The following WDR25 variants were observed in gnomAD, a reference collection of about 807,000 sequenced individuals.
WDR25 encodes the protein WD repeat domain 25.
WDR25 carries 35 observed loss-of-function variants against 47.7 expected under a neutral mutation model. The observed-to-expected ratio is 0.73, with a 90% confidence interval of 0.56 to 0.97. The LOEUF (loss-of-function observed/expected upper bound fraction) is 0.97. WDR25 is among the 50% of genes least tolerant of loss of function. The pLI is 0.00. For synonymous variants in WDR25, 248 were observed against 278.9 expected, an observed-to-expected ratio of 0.89 and a Z score of 1.10; for missense variants, 634 against 704.7, an observed-to-expected ratio of 0.90 and a Z score of 1.14.
At chr14:100,464,028 G>A (rs956843378) in intron 2 of WDR25, among the ~76,000 whole-genome samples, 2 of 152,084 alleles carry the variant, frequency 1.3e-5, no homozygotes, top group African/African-American at 4.8e-5. Context: ...TGGTCCTACT[G>A]CAGTGGAACC....
chr14:100,493,018 G>A (rs778208822), intron 4 of WDR25, among the ~76,000 whole-genome samples: 1 of 152,122 alleles, frequency 6.6e-6, no homozygotes, highest in Non-Finnish European at 1.5e-5. Flanking sequence ...ACTATGTTGC[G>A]CAGGCTGGTC....
intron 2 of WDR25, among the ~76,000 whole-genome samples, chr14:100,456,619 C>G (rs1473156529): frequency 6.6e-6 from 1 of 152,134 alleles, no homozygotes; most frequent in Non-Finnish European, 1.5e-5. Context: ...AAACACAGTA[C>G]ATGGAATTAA....
intron 2 of WDR25, among the ~76,000 whole-genome samples, chr14:100,417,578 T>A (rs541780129): frequency 6.6e-6 from 1 of 152,268 alleles, no homozygotes; most frequent in South Asian, 2.1e-4. Flanking sequence ...ACCTTCCTCC[T>A]CCAGGGAGGG....
intron 2 of WDR25, among the ~76,000 whole-genome samples, chr14:100,401,781 G>C (rs1472962076): frequency 6.6e-5 from 10 of 152,224 alleles, no homozygotes; most frequent in Admixed American, 5.9e-4. Context: ...CTTGCACCTG[G>C]CTTCTCTGCT....
rs1442159398 is a variant in WDR25 at position 100,500,939 on chromosome 14, CT to C, written c.1101+16816del. Among the ~76,000 whole-genome samples the C allele has an allele frequency of 6.6e-6, 1 of 152,138 alleles. No individual in the cohort carries two copies. Among genetic ancestry groups the C allele is most frequent in the Non-Finnish European group, 1.5e-5 (1 of 68,022 alleles). On this transcript the variant is annotated intron_variant, in intron 4 of 6. Coordinates refer to ENST00000402312, the MANE Select transcript of WDR25 (RefSeq NM_001161476.3). This position sits in a 1 kb window ranked among gnomAD's most constrained non-coding sequence, Gnocchi z 4.7. The stretch of plus-strand genomic sequence containing the variant: ...TCTTCCTTTCCCATGTGTTTTGTAT[CT>C]GTAATTTAAAATTTCACAGTCTTCA...
intron 2 of WDR25, among the ~76,000 whole-genome samples, chr14:100,456,390 T>A (rs1382043813): frequency 1.3e-5 from 2 of 151,994 alleles, no homozygotes; most frequent in African/African-American, 4.8e-5. Context: ...GTAAAAAAAA[T>A]ATGAACCATG....
chr14:100,419,620 G>A (rs1331012134), intron 2 of WDR25, among the ~76,000 whole-genome samples: 1 of 152,164 alleles, frequency 6.6e-6, no homozygotes, highest in Non-Finnish European at 1.5e-5. Flanking sequence ...GAAAGCCGAG[G>A]TATAGTTTTA....
rs993334163 is a variant in WDR25, at chr14:100,430,825, C to G, written c.823-37196C>G. ...TGGCAACGTGGACATTTCTGGCTGT[C>G]GAGAAGGGGCCTAAGAGGTGCCCAC... On this transcript the variant is annotated intron_variant, in intron 2 of 6. Transcript: ENST00000402312. This position sits in a 1 kb window ranked among gnomAD's most constrained non-coding sequence, Gnocchi z 4.7. 1.3e-5 allele frequency among the ~76,000 whole-genome samples: 2 copies of G among 152,178 alleles called. No homozygotes were observed. The highest frequency in any genetic ancestry group is 2.4e-5 in the African/African-American group (1 of 41,420).
At chr14:100,445,084 AC>A (rs1364125154) in intron 2 of WDR25, among the ~76,000 whole-genome samples, 2 of 152,002 alleles carry the variant, frequency 1.3e-5, no homozygotes, top group Non-Finnish European at 2.9e-5. Context: ...TCTTGCTGTC[AC>A]CCCATATCCC....
chr14:100,389,531 G>A (rs1027921487), intron 2 of WDR25, among the ~76,000 whole-genome samples: 3 of 152,174 alleles, frequency 2.0e-5, no homozygotes, highest in African/African-American at 7.2e-5. Flanking sequence ...AGTGGAGCAA[G>A]CCGGGGGACA....
intron 4 of WDR25, among the ~76,000 whole-genome samples, chr14:100,497,256 G>A (rs544067115): frequency 3.9e-5 from 6 of 152,194 alleles, no homozygotes; most frequent in Admixed American, 6.5e-5. Flanking sequence ...GGTTGATGAC[G>A]GTGTCTGTTC....
chr14:100,433,427 A>C (rs1401087389), intron 2 of WDR25, among the ~76,000 whole-genome samples: 2 of 152,216 alleles, frequency 1.3e-5, no homozygotes, highest in Non-Finnish European at 2.9e-5. Context: ...TGGCAGTGTT[A>C]ACTTTGATCA....
intron 2 of WDR25, among the ~76,000 whole-genome samples, chr14:100,403,738 G>A (rs951219918): frequency 2.0e-5 from 3 of 152,206 alleles, no homozygotes; most frequent in Non-Finnish European, 2.9e-5. Flanking sequence ...GAGCCCGTTT[G>A]TTGCTTAGAG....
At chr14:100,464,909 C>G (rs952777080) in intron 2 of WDR25, among the ~76,000 whole-genome samples, 1 of 150,488 alleles carries the variant, frequency 6.6e-6, no homozygotes, top group Non-Finnish European at 1.5e-5. Context: ...CTCCTCTACC[C>G]GATCTGCTCT....
At chr14:100,483,022 A>G (rs1468014749) in intron 3 of WDR25, among the ~76,000 whole-genome samples, 2 of 152,092 alleles carry the variant, frequency 1.3e-5, no homozygotes, top group East Asian at 1.9e-4. Flanking sequence ...TGGGGGACAT[A>G]TACGGGGGTG....
intron 2 of WDR25, among the ~76,000 whole-genome samples, chr14:100,464,171 C>T (rs1899523297): frequency 1.3e-5 from 2 of 152,172 alleles, no homozygotes; most frequent in Non-Finnish European, 2.9e-5. Flanking sequence ...CTGCAGTGGC[C>T]CTTCTTGCTG....
rs376832966 is a variant in WDR25 at position 100,381,512 on chromosome 14, C to T, written c.588C>T (p.Asp196=). The T allele has an allele frequency of 3.3e-5, 53 of 1,614,024 alleles. No individual in the cohort carries two copies. The highest frequency in any genetic ancestry group is 9.9e-5 in the South Asian group (9 of 91,090). ...ALSTETGKGK[D]VEPQGPPAGR... The stretch of plus-strand genomic sequence containing the variant: ...GCACGGAGACAGGCAAGGGTAAAGA[C>T]GTGGAGCCACAGGGGCCCCCTGCAG... Residue 196 remains aspartate (D), a synonymous_variant, in exon 2 of 7, where the codon GAC becomes GAT. Transcript: ENST00000402312.
chr14:100,497,475 CAAAACA>C (rs980073790), intron 4 of WDR25, among the ~76,000 whole-genome samples: 2 of 152,086 alleles, frequency 1.3e-5, no homozygotes, highest in Non-Finnish European at 2.9e-5. Flanking sequence ...AAAAAAGAAA[CAAAACA>C]AAAACAAAAA....
chr14:100,503,901 T>G (rs1025377007), intron 4 of WDR25: 4 of 152,378 alleles, frequency 2.6e-5, no homozygotes, highest in South Asian at 4.1e-4. Context: ...TTTGTGGAGC[T>G]AATTCCTCCC....
Sources: gnomAD v4.1 joint callset for allele counts (sites outside exome capture counted in the v4.1 genomes callset) on GRCh38, gnomAD v4.1.1 for gene constraint, Gnocchi (gnomAD v3.1) non-coding constraint, MANE v1.5 for transcripts, NCBI Gene and HGNC (gene_info 2026-07-23, HGNC 2026-07-21) for gene names.